The following EYA2 variants were observed in gnomAD, a reference collection of about 807,000 sequenced individuals.
EYA2 encodes protein phosphatase EYA2.
A neutral mutation model predicts 69.2 loss-of-function variants in EYA2; 31 were observed. The observed-to-expected ratio is 0.45, with a 90% CI of 0.34 to 0.60. The LOEUF is 0.60. Ranked by LOEUF, EYA2 falls within the 20% of genes least tolerant of loss-of-function variation. The probability of loss-of-function intolerance (pLI) is 0.02; values close to 1 mark genes in which losing one functional copy is unlikely to be tolerated. For missense variants in EYA2, 622 were observed against 701.2 expected, an observed-to-expected ratio of 0.89 and a Z score of 1.28; for synonymous variants, 257 against 279.4, an observed-to-expected ratio of 0.92 and a Z score of 0.80.
intron 13 of EYA2, 32 bp from the exon 14 acceptor site, chr20:47,180,783 G>A: frequency 6.2e-7 from 1 of 1,609,956 alleles, no homozygotes; most frequent in Non-Finnish European, 8.5e-7. Context: ...TGGTCCCTCT[G>A]AGTTCTGATC....
intron 8 of EYA2, 110 bp from the exon 9 acceptor site, chr20:47,096,975 A>T: frequency 1.3e-6 from 1 of 786,734 alleles, no homozygotes; most frequent in South Asian, 1.5e-5. Context: ...GTAACTAAAG[A>T]TAATGTTTTT....
intron 12 of EYA2, 86 bp downstream of exon 12, chr20:47,172,953 G>A: frequency 6.8e-7 from 1 of 1,479,828 alleles, no homozygotes; most frequent in Non-Finnish European, 9.1e-7. Flanking sequence ...CAGGCGCCAG[G>A]CAGAGAGGTT....
At chr20:46,962,104 C>T (rs1600585097) in intron 1 of EYA2, among the ~76,000 whole-genome samples, 1 of 152,230 alleles carries the variant, frequency 6.6e-6, no homozygotes, top group Non-Finnish European at 1.5e-5. Context: ...TCAAGGCTCA[C>T]CACAGCCTCA....
intron 1 of EYA2, chr20:46,978,377 A>G (rs1447006576): frequency 2.9e-6 from 1 of 346,700 alleles, no homozygotes; most frequent in Non-Finnish European, 5.7e-6. Context: ...CAGGAGGGAA[A>G]TCGCTTACTC....
chr20:46,970,868 G>T (rs1600593805), intron 1 of EYA2, among the ~76,000 whole-genome samples: 1 of 152,204 alleles, frequency 6.6e-6, no homozygotes, highest in East Asian at 1.9e-4. Context: ...TCAAAAAAAG[G>T]GTCTTTTTTT....
chr20:46,964,469 G>A lies in EYA2; in HGVS notation c.-10-25532G>A, dbSNP rs144305148. 3.4e-3 allele frequency among the ~76,000 whole-genome samples: 514 copies of A among 152,308 alleles called. 5 individuals carry two copies. The highest frequency in any genetic ancestry group is 0.029 in the East Asian group (151 of 5,180). ...GCAGGTGGCTGTTGAAGGGATGCAC[G>A]TGTCTGCAACATGGGAGGATCCTGG... On this transcript the variant is annotated intron_variant, in intron 1 of 15. Transcript: ENST00000327619.
At chr20:46,964,684 A>G (rs780776747) in intron 1 of EYA2, among the ~76,000 whole-genome samples, 25 of 152,172 alleles carry the variant, frequency 1.6e-4, no homozygotes, top group Non-Finnish European at 3.1e-4. Flanking sequence ...GAACAACCCC[A>G]TTGGTAAGTA....
chr20:47,118,591 AC>A (rs1220180015), intron 9 of EYA2, among the ~76,000 whole-genome samples: 10 of 152,034 alleles, frequency 6.6e-5, no homozygotes, highest in Non-Finnish European at 1.0e-4. Context: ...CATGCCAAGT[AC>A]CCCCGCTTAT....
At position 46,966,298 on chromosome 20, in the gene EYA2, CATTT is replaced by C. The variant is rs1443801371; in HGVS notation, c.-10-23702_-10-23699del. On this transcript the variant is annotated intron_variant, in intron 1 of 15. Transcript: ENST00000327619. ...CACTGTGCCCAGCATACCGTTCATT[CATTT>C]GTTAATTCAGCAAAATACTATTCAT... Among the ~76,000 whole-genome samples, 4 of 152,218 alleles carry C rather than the reference CATTT, an allele frequency of 2.6e-5. No homozygotes were observed. In the East Asian group the frequency reaches 5.8e-4, roughly 22 times the overall value.
intron 7 of EYA2, among the ~76,000 whole-genome samples, chr20:47,076,560 G>T (rs1306780432): frequency 6.6e-6 from 1 of 152,054 alleles, no homozygotes; most frequent in African/African-American, 2.4e-5. Flanking sequence ...TATCTTTAAG[G>T]ATGTTTGTTT....
At chr20:47,054,502 T>C (rs1469635117) in intron 5 of EYA2, among the ~76,000 whole-genome samples, 2 of 152,210 alleles carry the variant, frequency 1.3e-5, no homozygotes, top group South Asian at 2.1e-4. Context: ...TCTGAGCATG[T>C]GTGGGGGGCT....
chr20:46,983,621 T>C (rs968965545), intron 1 of EYA2, among the ~76,000 whole-genome samples: 5 of 152,306 alleles, frequency 3.3e-5, no homozygotes, highest in African/African-American at 1.2e-4. Context: ...CGCACCCAGC[T>C]TGGATATCAG....
chr20:46,929,152 CAAAAAA>C (rs11329475), intron 1 of EYA2, among the ~76,000 whole-genome samples: 10 of 98,302 alleles, frequency 1.0e-4, no homozygotes, highest in Non-Finnish European at 1.7e-4. Flanking sequence ...ATAAGTTGTG[CAAAAAA>C]AAAAAAAAAA....
intron 5 of EYA2, among the ~76,000 whole-genome samples, chr20:47,065,678 C>T (rs1354281331): frequency 2.6e-5 from 4 of 152,144 alleles, no homozygotes; most frequent in Non-Finnish European, 4.4e-5. Flanking sequence ...TATTAAATTG[C>T]TCTGGAGGTT....
intron 1 of EYA2, among the ~76,000 whole-genome samples, chr20:46,929,063 G>C (rs925391126): frequency 6.7e-6 from 1 of 150,306 alleles, no homozygotes; most frequent in East Asian, 2.0e-4. Flanking sequence ...CAAAATGGAA[G>C]CATTGTTCCC....
chr20:47,080,462 GGAGGGAGGGAGGGAAAT>G (rs1484559952), intron 7 of EYA2, among the ~76,000 whole-genome samples: 1 of 125,110 alleles, frequency 8.0e-6, no homozygotes, highest in Non-Finnish European at 1.7e-5. Context: ...GGGAAATGAG[GGAGGGAGGGAGGGAAAT>G]GAGGGAGGGA....
intron 1 of EYA2, among the ~76,000 whole-genome samples, chr20:46,896,266 C>A (rs533929525): frequency 6.6e-6 from 1 of 152,136 alleles, no homozygotes; most frequent in Admixed American, 6.5e-5. Flanking sequence ...TATTTCAAAC[C>A]GAATCTATTA....
chr20:47,076,154 A>G (rs1408555414), intron 7 of EYA2, among the ~76,000 whole-genome samples: 5 of 152,252 alleles, frequency 3.3e-5, no homozygotes, highest in South Asian at 2.1e-4. Flanking sequence ...TAGTGCTGCA[A>G]TGAACATACA....
At chr20:46,996,268 GCA>G (rs1255429285) in intron 2 of EYA2, among the ~76,000 whole-genome samples, 1 of 152,164 alleles carries the variant, frequency 6.6e-6, no homozygotes, top group Non-Finnish European at 1.5e-5. Flanking sequence ...CTTTTGCTTT[GCA>G]CATTTATATT....
Sources: gnomAD v4.1 joint callset for allele counts (sites outside exome capture counted in the v4.1 genomes callset) on GRCh38, gnomAD v4.1.1 for gene constraint, MANE v1.5 for transcripts, NCBI Gene and HGNC (gene_info 2026-07-23, HGNC 2026-07-21) for gene names.